Variants in SH3GL3 observed in about 807,000 individuals in gnomAD.
SH3GL3 encodes the protein endophilin-A3.
SH3GL3 carries 33 observed loss-of-function variants against 47.7 expected under a neutral mutation model. The observed-to-expected ratio is 0.69, with a 90% CI of 0.52 to 0.92. The LOEUF is 0.92. Among genes scored for constraint, SH3GL3 ranks in the 40% least tolerant of loss-of-function variants. The pLI, the probability that SH3GL3 is intolerant of heterozygous loss-of-function variation, is 0.00. For synonymous variants in SH3GL3, 155 were observed against 148.8 expected (o/e 1.04, Z -0.30); for missense variants, 363 against 417.8 (o/e 0.87, Z 1.14).
At position 83,606,449 on chromosome 15, in the gene SH3GL3, A is replaced by AT. The variant is rs537709408; in HGVS notation, c.839-11626dup. On this transcript the variant is annotated intron_variant, in intron 8 of 8. Transcript: ENST00000427482. ...CACTTTGCAAATAGAAATATATGCA[A>AT]TTTTTTTAACCTACATTTCCGAAGA... Among the ~76,000 whole-genome samples, 9 of 152,296 alleles carry AT rather than the reference A, an allele frequency of 5.9e-5. No homozygotes were observed. In the South Asian group the frequency reaches 1.9e-3, roughly 32 times the overall value.
intron 1 of SH3GL3, among the ~76,000 whole-genome samples, chr15:83,544,140 G>T (rs2044295530): frequency 6.6e-6 from 1 of 151,570 alleles, no homozygotes; most frequent in Non-Finnish European, 1.5e-5. Flanking sequence ...TGATGTAGGG[G>T]CTTATTGCTA....
chr15:83,604,561 A>G (rs1218837994), intron 8 of SH3GL3, among the ~76,000 whole-genome samples: 2 of 152,224 alleles, frequency 1.3e-5, no homozygotes, highest in African/African-American at 2.4e-5. Context: ...AGACATAGAC[A>G]TAACTCATTT....
chr15:83,631,797 T>A, the SH3GL3 span, among the ~76,000 whole-genome samples: 1 of 152,302 alleles, frequency 6.6e-6, no homozygotes, highest in East Asian at 1.9e-4. Context: ...GCCATGAAGG[T>A]CTCTGACATG....
intron 1 of SH3GL3, among the ~76,000 whole-genome samples, chr15:83,546,025 T>C (rs1304482123): frequency 6.6e-6 from 1 of 152,158 alleles, no homozygotes; most frequent in East Asian, 1.9e-4. Flanking sequence ...ATTACAACTA[T>C]TTCCTGAATT....
At chr15:83,628,801 G>C in the SH3GL3 span, among the ~76,000 whole-genome samples, 1 of 151,580 alleles carries the variant, frequency 6.6e-6, no homozygotes, top group African/African-American at 2.4e-5. Flanking sequence ...TTTATGTGCA[G>C]AAAACAAGAG....
At chr15:83,480,404 G>A (rs1158421175) in intron 1 of SH3GL3, among the ~76,000 whole-genome samples, 5 of 152,166 alleles carry the variant, frequency 3.3e-5, no homozygotes, top group Admixed American at 6.5e-5. Flanking sequence ...AGAAGATGCC[G>A]CCATCCCAAT....
chr15:83,624,127 C>T, the SH3GL3 span, among the ~76,000 whole-genome samples: 1 of 152,288 alleles, frequency 6.6e-6, no homozygotes, highest in African/African-American at 2.4e-5. Flanking sequence ...TGTGTTTGAC[C>T]CTCAGTGTGG....
chr15:83,593,359 C>G (rs1267306010), intron 8 of SH3GL3, among the ~76,000 whole-genome samples: 1 of 152,140 alleles, frequency 6.6e-6, no homozygotes, highest in Non-Finnish European at 1.5e-5. Context: ...TTATTTAGGT[C>G]TTCTTGAATT....
At chr15:83,603,503 G>A (rs964900041) in intron 8 of SH3GL3, among the ~76,000 whole-genome samples, 23 of 152,150 alleles carry the variant, frequency 1.5e-4, no homozygotes, top group African/African-American at 4.1e-4. Flanking sequence ...GACACCTTTC[G>A]TTGCGTCTTT....
chr15:83,532,889 C>G (rs2043744016), intron 1 of SH3GL3, among the ~76,000 whole-genome samples: 1 of 152,124 alleles, frequency 6.6e-6, no homozygotes, highest in Non-Finnish European at 1.5e-5. Flanking sequence ...CAGTAATTTC[C>G]AAGAAATCCC....
chr15:83,585,471 T>C (rs12440425), intron 6 of SH3GL3, among the ~76,000 whole-genome samples: 8,152 of 152,108 alleles, frequency 0.054, 395 homozygotes, highest in Admixed American at 0.17. Context: ...ACAGGGCAAA[T>C]AAATTTTACT....
chr15:83,502,211 T>G (rs537508308), intron 1 of SH3GL3, among the ~76,000 whole-genome samples: 1 of 152,250 alleles, frequency 6.6e-6, no homozygotes, highest in African/African-American at 2.4e-5. Context: ...GTGGGATGCA[T>G]TCCCCTCATC....
At chr15:83,503,228 C>A (rs557653138) in intron 1 of SH3GL3, among the ~76,000 whole-genome samples, 505 of 151,878 alleles carry the variant, frequency 3.3e-3, no homozygotes, top group Admixed American at 5.6e-3. Flanking sequence ...ATCTCATTAC[C>A]CTATATTGTT....
chr15:83,632,855 A>C, the SH3GL3 span, among the ~76,000 whole-genome samples: 67 of 152,336 alleles, frequency 4.4e-4, no homozygotes, highest in Middle Eastern at 3.4e-3. Flanking sequence ...ATTTATACAG[A>C]ATTCTCATAA....
At chr15:83,466,125 A>G (rs1036797401) in intron 1 of SH3GL3, among the ~76,000 whole-genome samples, 4 of 152,192 alleles carry the variant, frequency 2.6e-5, no homozygotes, top group Non-Finnish European at 5.9e-5. Context: ...TATAAATGGA[A>G]TCATACAGTC....
chr15:83,615,464 G>A lies in SH3GL3; in HGVS notation c.839-2618G>A, dbSNP rs532618683. Among the ~76,000 whole-genome samples the A allele has an allele frequency of 4.6e-5, 7 of 152,094 alleles. No homozygotes were observed. In the East Asian group the frequency reaches 9.7e-4, roughly 21 times the overall value. On this transcript the variant is annotated intron_variant, in intron 8 of 8. Coordinates refer to ENST00000427482, the MANE Select transcript of SH3GL3 (RefSeq NM_003027.5). ...TGAGTAGCTGGGATTACAGACATGC[G>A]CTACCATGCCTGGCTAACTTTTGTA...
chr15:83,526,271 G>A (rs965247735), intron 1 of SH3GL3, among the ~76,000 whole-genome samples: 1 of 152,132 alleles, frequency 6.6e-6, no homozygotes, highest in Non-Finnish European at 1.5e-5. Flanking sequence ...TCCTCAGAGA[G>A]CTAAAAATAG....
chr15:83,592,217 T>C (rs1035083659), intron 8 of SH3GL3, among the ~76,000 whole-genome samples: 3 of 152,248 alleles, frequency 2.0e-5, no homozygotes, highest in East Asian at 1.9e-4. Flanking sequence ...CTTAGCTTCC[T>C]AACCCTTGGT....
downstream of SH3GL3, among the ~76,000 whole-genome samples, chr15:83,620,299 A>G (rs2060910769): frequency 6.6e-6 from 1 of 152,258 alleles, no homozygotes; most frequent in South Asian, 2.1e-4. Context: ...TCTTAAAGGC[A>G]TCTAGAATAC....
Sources: allele counts gnomAD v4.1 joint callset (sites outside exome capture counted in the v4.1 genomes callset), GRCh38; gene constraint gnomAD v4.1.1; transcripts MANE v1.5; gene names NCBI Gene and HGNC (gene_info 2026-07-23, HGNC 2026-07-21).